MBD1: variants seen among roughly 807,000 people sequenced by gnomAD.
MBD1 encodes methyl-CpG binding domain protein 1.
MBD1 carries 25 observed loss-of-function variants against 82.6 expected under a neutral mutation model. The ratio of observed to expected loss-of-function variants is 0.30; its 90% CI spans 0.22 to 0.42. The LOEUF (loss-of-function observed/expected upper bound fraction) is 0.42. Among genes scored for constraint, MBD1 ranks in the 10% least tolerant of loss-of-function variants. The probability of loss-of-function intolerance (pLI) is 1.00; values close to 1 mark genes in which losing one functional copy is unlikely to be tolerated. For synonymous variants in MBD1, 301 were observed against 303.7 expected, an observed-to-expected ratio of 0.99 and a Z score of 0.09; for missense variants, 627 against 819.6, an observed-to-expected ratio of 0.76 and a Z score of 2.87.
At chr18:50,276,605 C>T in intron 5 of MBD1, 57 bp downstream of exon 5, 1 of 1,582,956 alleles carries the variant, frequency 6.3e-7, no homozygotes, top group Non-Finnish European at 8.7e-7. Flanking sequence ...CCTAGCATGA[C>T]ACTGGACCTG....
chr18:50,278,899 A>C (rs977001332), intron 2 of MBD1, among the ~76,000 whole-genome samples: 1 of 152,212 alleles, frequency 6.6e-6, no homozygotes, highest in Admixed American at 6.5e-5. Flanking sequence ...GACTCAAACC[A>C]GGGGACTTGG....
chr18:50,281,630 C>G (rs1044431828), upstream of MBD1: 30 of 440,272 alleles, frequency 6.8e-5, no homozygotes, highest in East Asian at 1.0e-3. Flanking sequence ...CCCGCGCCTA[C>G]GGGCCGGCGC....
intron 15 of MBD1, 59 bp downstream of exon 15, chr18:50,272,618 C>G (rs1226157759): frequency 1.3e-6 from 2 of 1,588,580 alleles, no homozygotes; most frequent in Admixed American, 1.7e-5. Flanking sequence ...TTTCAAAACT[C>G]AGGGCCCACA....
intron 10 of MBD1, 85 bp downstream of exon 10, chr18:50,274,892 T>C (rs898057331): frequency 2.7e-5 from 37 of 1,392,244 alleles, no homozygotes; most frequent in Non-Finnish European, 3.6e-5. Flanking sequence ...TGTTCCCCAA[T>C]AGGCTCATTC....
chr18:50,277,884 G>C (rs573974656), intron 2 of MBD1, among the ~76,000 whole-genome samples: 2 of 152,214 alleles, frequency 1.3e-5, no homozygotes, highest in South Asian at 4.2e-4. Flanking sequence ...CTAAGCTCAC[G>C]GTTCTTTTCC....
chr18:50,275,765 G>A lies in MBD1; in HGVS notation c.664-37C>T, dbSNP rs972886340. On this transcript the variant is annotated intron_variant, in intron 7 of 16. Transcript: ENST00000269468. ...GGGCAGGTGGGAGCAGAGGCATGAA[G>A]CATGGGGCCAAGCCCATGGGGGCCA... 2.5e-6 allele frequency: 4 copies of A among 1,614,192 alleles called. No individual in the cohort carries two copies. In the Admixed American group the frequency reaches 5.0e-5, roughly 20 times the overall value.
rs953623029 is a variant in MBD1 at position 50,277,201 on chromosome 18, G to C, written c.114C>G (p.Pro38=). 13 of 1,613,010 alleles carry C rather than the reference G, an allele frequency of 8.1e-6. No homozygotes were observed. The highest frequency in any genetic ancestry group is 9.3e-6 in the Non-Finnish European group (11 of 1,179,128). Residue 38 remains proline (P), a synonymous_variant, in exon 3 of 17, where the codon CCC becomes CCG. Coordinates refer to ENST00000269468, the MANE Select transcript of MBD1 (RefSeq NM_015846.4). ...CTTTGCTTCGGATCCTGTCTCCTGT[G>C]GGGCTAGGGATGGGCCATGATGGGT... The part of the protein sequence containing the change: ...CGRSDTYYQS[P]TGDRIRSKVE...
In MBD1 at chr18:50,279,903, G is replaced by A. The variant is rs763232750; in HGVS notation, c.90C>T (p.Arg30=). ...VFRKSGATCG[R]SDTYYQSPTG... is the part of the protein sequence containing the mutation. ...AGTACCTCTGGTAATAGGTGTCTGA[G>A]CGTCCACAGGTGGCCCCTGACTTGC... is the stretch of plus-strand genomic sequence containing the variant. The change falls in exon 2 of 17, where the codon CGC becomes CGT. Residue 30 remains arginine (R), a synonymous_variant. Coordinates refer to ENST00000269468, the MANE Select transcript of MBD1 (RefSeq NM_015846.4). The A allele has an allele frequency of 1.2e-5, 19 of 1,613,854 alleles. No individual in the cohort carries two copies. The highest frequency in any genetic ancestry group is 1.5e-5 in the Non-Finnish European group (18 of 1,180,012).
At chr18:50,276,176 T>C in intron 6 of MBD1, 195 bp from the exon 7 acceptor site, 2 of 827,366 alleles carry the variant, frequency 2.4e-6, no homozygotes, top group South Asian at 3.0e-5. Context: ...GTTCACTTCA[T>C]CACTGTGTCT....
Position 50,269,778 on chromosome 18 carries a change from C to A in MBD1, c.*73G>T, listed in dbSNP as rs781434467. ...TCCACTGTGTCCTCGGTCTCCCACACTTTACATCCATCTTCCCTTCCCGAG... is the reference window on the plus strand; with the variant it reads ...TCCACTGTGTCCTCGGTCTCCCACAATTTACATCCATCTTCCCTTCCCGAG... On this transcript the variant is annotated 3_prime_UTR_variant, in exon 17 of 17. Coordinates refer to ENST00000269468, the MANE Select transcript of MBD1 (RefSeq NM_015846.4). The A allele has an allele frequency of 1.3e-6, 1 of 784,412 alleles. No individual in the cohort carries two copies. The highest frequency in any genetic ancestry group is 2.4e-6 in the Non-Finnish European group (1 of 421,156). The allele number at this position is 784,412 out of a possible 1,614,324, so 48.6% of individuals were successfully genotyped here. A position where few individuals can be genotyped will look rare whatever the true frequency, so the allele number is the denominator to read the frequency against.
chr18:50,281,659 C>A, upstream of MBD1: 1 of 438,808 alleles, frequency 2.3e-6, no homozygotes. Flanking sequence ...GGTGCGCGCG[C>A]CCCCCTGCCG....
At chr18:50,274,524 C>G (rs1360130358) in intron 10 of MBD1, among the ~76,000 whole-genome samples, 171 bp from the exon 11 acceptor site, 2 of 152,192 alleles carry the variant, frequency 1.3e-5, no homozygotes, top group Admixed American at 6.5e-5. Context: ...TTCGCTAGTT[C>G]AACATTGGCC....
Position 50,279,960 on chromosome 18 carries a change from C to T in MBD1, c.33G>A (p.Leu11=), listed in dbSNP as rs768772561. 6.2e-7 allele frequency: 1 copy of T among 1,611,518 alleles called. No individual in the cohort carries two copies. The highest frequency in any genetic ancestry group is 1.1e-5 in the South Asian group (1 of 91,080). The part of the protein sequence containing the change: MAEDWLDCPA[L]GPGWKRREVF... The stretch of plus-strand genomic sequence containing the variant: ...CTTCGCGGCGCTTCCAGCCAGGGCC[C>T]AGGGCCGGGCAGTCCAGCCAGTCCT... The change falls in exon 2 of 17, where the codon CTG becomes CTA. Residue 11 remains leucine, a synonymous_variant. Transcript: ENST00000269468.
chr18:50,274,122 T>C, intron 11 of MBD1, 64 bp downstream of exon 11: 1 of 1,595,908 alleles, frequency 6.3e-7, no homozygotes. Context: ...TGCCCACCAC[T>C]TCCAGGCACT....
chr18:50,274,487 T>C, intron 10 of MBD1, 134 bp from the exon 11 acceptor site: 1 of 937,592 alleles, frequency 1.1e-6, no homozygotes, highest in Non-Finnish European at 1.6e-6. Flanking sequence ...CTCAGCCTCC[T>C]GACTCCCCAC....
Position 50,272,946 on chromosome 18 carries a change from G to A in MBD1, c.1594C>T (p.Pro532Ser), listed in dbSNP as rs569680369. 87 of 1,613,964 alleles carry A rather than the reference G, an allele frequency of 5.4e-5. No individual in the cohort carries two copies. The highest frequency in any genetic ancestry group is 7.4e-5 in the Non-Finnish European group (87 of 1,180,034). The part of the protein sequence containing the change: ...VPGCPSKAVD[P>S]GLPSVKQEPP... ...TCTTGCTTCACAGAAGGCAGGCCTG[G>A]GTCTACTGCCTGGGAGAAGTAGGAA... Residue 532 changes from proline to serine, a missense_variant, in exon 14 of 17, where the codon CCA (proline) becomes TCA (serine). By Grantham distance (74) the Pro-to-Ser change is moderately conservative. Coordinates refer to ENST00000269468, the MANE Select transcript of MBD1 (RefSeq NM_015846.4).
Position 50,274,295 on chromosome 18 carries a change from C to T in MBD1, c.1037G>A (p.Arg346Gln), listed in dbSNP as rs1157454060. The T allele has an allele frequency of 3.1e-6, 5 of 1,613,856 alleles. No homozygotes were observed. The highest frequency in any genetic ancestry group is 2.7e-5 in the African/African-American group (2 of 74,944). Residue 346 changes from arginine to glutamine, a missense_variant, in exon 11 of 17, where the codon CGG (arginine) becomes CAG (glutamine). This residue lies in a region of MBD1 where 228 missense variants were observed against 318.1 expected (regional missense o/e 0.72). Coordinates refer to ENST00000269468, the MANE Select transcript of MBD1 (RefSeq NM_015846.4). ...RKCGACAACL[R>Q]RMDCGRCDFC... ...GTCGCAGCGGCCACAGTCCATCCGC[C>T]GTAGGCAGGCTGCACAGGCCCCGCA...
intron 13 of MBD1, 126 bp from the exon 14 acceptor site, chr18:50,273,081 T>C: frequency 1.5e-6 from 2 of 1,326,464 alleles, no homozygotes; most frequent in Non-Finnish European, 2.1e-6. Flanking sequence ...AGAAAGTCCA[T>C]CTCTCTGCCT....
intron 14 of MBD1, 33 bp from the exon 15 acceptor site, chr18:50,272,771 G>A: frequency 3.7e-6 from 6 of 1,614,224 alleles, no homozygotes; most frequent in Non-Finnish European, 5.1e-6. Flanking sequence ...GGTCAATGTG[G>A]TTGTTGGGGC....
Sources: allele counts gnomAD v4.1 joint callset (sites outside exome capture counted in the v4.1 genomes callset), GRCh38; gene constraint gnomAD v4.1.1; regional missense constraint gnomAD v4.1.1; transcripts MANE v1.5; gene names NCBI Gene and HGNC (gene_info 2026-07-23, HGNC 2026-07-21).